The following PTPRS variants were observed in gnomAD, a reference collection of about 807,000 sequenced individuals.
PTPRS encodes receptor-type tyrosine-protein phosphatase S.
PTPRS carries 63 observed loss-of-function variants against 215.3 expected under a neutral mutation model. That is an observed-to-expected ratio of 0.29 (90% CI 0.24 to 0.36). The LOEUF (loss-of-function observed/expected upper bound fraction) is 0.36. PTPRS is among the 10% of genes least tolerant of loss of function. PTPRS has a pLI of 1.00. For missense variants in PTPRS, 2,258 were observed against 2,825.8 expected, an observed-to-expected ratio of 0.80 and a Z score of 4.56; for synonymous variants, 1,404 against 1,191.4, an observed-to-expected ratio of 1.18 and a Z score of -3.68.
At chr19:5,260,446 C>G (rs1489622126) in intron 7 of PTPRS, among the ~76,000 whole-genome samples, 1 of 152,166 alleles carries the variant, frequency 6.6e-6, no homozygotes, top group Non-Finnish European at 1.5e-5. Context: ...TCCCACAGTG[C>G]TGGGATTACA....
chr19:5,251,030 C>G (rs755344633), intron 9 of PTPRS: 7 of 146,510 alleles, frequency 4.8e-5, no homozygotes, highest in Admixed American at 7.8e-5. Flanking sequence ...AATGAATATG[C>G]GGATGGAGAG....
rs76856508 is a variant in PTPRS, at chr19:5,315,352, T to C, written c.-95+25312A>G. Among the ~76,000 whole-genome samples, 383 of 69,112 alleles carry C rather than the reference T, an allele frequency of 5.5e-3. 123 individuals are homozygous for C. Among genetic ancestry groups the C allele is most frequent in the African/African-American group, 0.024 (301 of 12,804 alleles). 45.3% of individuals were successfully genotyped at this position (69,112 alleles called of 152,430 possible). On this transcript the variant is annotated intron_variant, in intron 1 of 37. Coordinates refer to ENST00000262963, the MANE Select transcript of PTPRS (RefSeq NM_002850.4). Reference sequence around the variant, plus strand: ...ATGGAGAATTTTTATTTGAAAAGGGTTTTTTTTTTTTTTTTTTTTTTTTTT... The same window carrying C: ...ATGGAGAATTTTTATTTGAAAAGGGCTTTTTTTTTTTTTTTTTTTTTTTTT...
chr19:5,319,449 A>C, intron 1 of PTPRS, among the ~76,000 whole-genome samples: 1 of 149,332 alleles, frequency 6.7e-6, no homozygotes, highest in Non-Finnish European at 1.5e-5. Context: ...GCTATCCCAA[A>C]TCCACTTGCT....
intron 9 of PTPRS, among the ~76,000 whole-genome samples, chr19:5,248,194 C>T (rs1165780608): frequency 1.3e-5 from 2 of 151,990 alleles, no homozygotes; most frequent in Admixed American, 1.3e-4. Context: ...GGAAACAGAA[C>T]ACAATGGGGA....
intron 9 of PTPRS, among the ~76,000 whole-genome samples, chr19:5,248,268 C>T (rs2044686873): frequency 6.7e-6 from 1 of 150,268 alleles, no homozygotes; most frequent in Non-Finnish European, 1.5e-5. Flanking sequence ...CAAAACAAAA[C>T]CAGGAAGAAC....
chr19:5,253,382 A>T (rs2045303898), intron 9 of PTPRS, among the ~76,000 whole-genome samples: 1 of 152,128 alleles, frequency 6.6e-6, no homozygotes, highest in Non-Finnish European at 1.5e-5. Context: ...CCCTTTTTGC[A>T]ATTAATTCCT....
At chr19:5,234,962 A>G (rs1049118499) in intron 13 of PTPRS, among the ~76,000 whole-genome samples, 1 of 127,632 alleles carries the variant, frequency 7.8e-6, no homozygotes, top group African/African-American at 3.1e-5. Context: ...TTTTTTTTTG[A>G]GACAGTCTTG....
In PTPRS at chr19:5,295,944, T is replaced by C. The variant is rs2049121343; in HGVS notation, c.-94-9710A>G. 6.6e-6 allele frequency among the ~76,000 whole-genome samples: 1 copy of C among 152,076 alleles called. No homozygotes were observed. The highest frequency in any genetic ancestry group is 2.4e-5 in the African/African-American group (1 of 41,420). On this transcript the variant is annotated intron_variant, in intron 1 of 37. Coordinates refer to ENST00000262963, the MANE Select transcript of PTPRS (RefSeq NM_002850.4). The surrounding 1 kb of genome is among the most constrained non-coding windows in gnomAD (Gnocchi z 4.6). ...TAATTTTTGGATTTTTTTGTAGACATGGGATCTCCCCATGTTGCCCCGACT... is the reference window on the plus strand; with the variant it reads ...TAATTTTTGGATTTTTTTGTAGACACGGGATCTCCCCATGTTGCCCCGACT...
intron 19 of PTPRS, among the ~76,000 whole-genome samples, chr19:5,221,727 T>C (rs1485134752): frequency 6.6e-6 from 1 of 152,044 alleles, no homozygotes; most frequent in Non-Finnish European, 1.5e-5. Flanking sequence ...GACTAAACTC[T>C]GACCTCAGGC....
intron 4 of PTPRS, among the ~76,000 whole-genome samples, chr19:5,268,297 C>T (rs753422546): frequency 3.9e-5 from 6 of 152,062 alleles, no homozygotes; most frequent in African/African-American, 7.2e-5. Flanking sequence ...CGACAGAGAC[C>T]GTCCAGCCTG....
Position 5,229,704 on chromosome 19 carries a change from G to A in PTPRS, c.2156-20C>T. ...TGGGCACTGGCGGGCGGGAGGGGAG[G>A]GGAGGGGCGGGCGGAGCCGTTACCA... On this transcript the variant is annotated intron_variant, in intron 14 of 37. Transcript: ENST00000262963. The A allele has an allele frequency of 1.6e-6, 2 of 1,233,370 alleles. No homozygotes were observed. Among genetic ancestry groups the A allele is most frequent in the African/African-American group, 1.6e-5 (1 of 63,714 alleles). 76.4% of individuals were successfully genotyped at this position (1,233,370 alleles called of 1,614,324 possible).
rs747505379 is a variant in PTPRS at position 5,216,675 on chromosome 19, G to A, written c.4096+45C>T. 3.7e-5 allele frequency: 54 copies of A among 1,444,536 alleles called. 1 individual carries two copies. The highest frequency in any genetic ancestry group is 1.2e-4 in the Admixed American group (6 of 50,808). 89.5% of individuals were successfully genotyped at this position (1,444,536 alleles called of 1,614,324 possible). A position where few individuals can be genotyped will look rare whatever the true frequency, so the allele number is the denominator to read the frequency against. Reference sequence around the variant, plus strand: ...TGGAGAAACCAAAGAGGAAATGAACGGGGGCGGGGGCGAAAGGAAGCCAAA... The same window carrying A: ...TGGAGAAACCAAAGAGGAAATGAACAGGGGCGGGGGCGAAAGGAAGCCAAA... On this transcript the variant is annotated intron_variant, in intron 26 of 37. Coordinates refer to ENST00000262963, the MANE Select transcript of PTPRS (RefSeq NM_002850.4).
intron 1 of PTPRS, among the ~76,000 whole-genome samples, chr19:5,308,126 T>C (rs1191606912): frequency 6.6e-6 from 1 of 152,172 alleles, no homozygotes; most frequent in Non-Finnish European, 1.5e-5. Flanking sequence ...GTGTACGCAT[T>C]CTCTGGCCAG....
At chr19:5,329,829 C>A (rs956460836) in intron 1 of PTPRS, among the ~76,000 whole-genome samples, 2 of 151,786 alleles carry the variant, frequency 1.3e-5, no homozygotes, top group Non-Finnish European at 2.9e-5. Context: ...GGGATCCCAG[C>A]ACTTTGAGAG....
At chr19:5,308,132 G>A (rs1323066859) in intron 1 of PTPRS, among the ~76,000 whole-genome samples, 5 of 152,130 alleles carry the variant, frequency 3.3e-5, no homozygotes. Context: ...GCATTCTCTG[G>A]CCAGAACAAC....
chr19:5,274,138 T>G (rs1359295538), intron 3 of PTPRS, 61 bp downstream of exon 3: 1 of 1,563,604 alleles, frequency 6.4e-7, no homozygotes, highest in African/African-American at 1.4e-5. Context: ...GTGGCTGAGG[T>G]GCTGTGGCCC....
intron 1 of PTPRS, among the ~76,000 whole-genome samples, chr19:5,334,750 A>G (rs934568346): frequency 1.3e-5 from 2 of 152,182 alleles, no homozygotes; most frequent in African/African-American, 4.8e-5. Context: ...TGTGGCAGCC[A>G]ACAGCTTGTG....
At chr19:5,313,091 A>G (rs1568606680) in intron 1 of PTPRS, among the ~76,000 whole-genome samples, 2 of 152,024 alleles carry the variant, frequency 1.3e-5, no homozygotes. Flanking sequence ...ATTTTTTTGT[A>G]TTTTTAGCAG....
intron 32 of PTPRS, 30 bp downstream of exon 32, chr19:5,211,935 C>G (rs200218686): frequency 1.9e-6 from 3 of 1,556,394 alleles, no homozygotes; most frequent in South Asian, 2.3e-5. Context: ...CTCCCCACCC[C>G]GCCCACAGCA....
Sources: allele counts gnomAD v4.1 joint callset (sites outside exome capture counted in the v4.1 genomes callset), GRCh38; gene constraint gnomAD v4.1.1; non-coding constraint Gnocchi (gnomAD v3.1); transcripts MANE v1.5; gene names NCBI Gene and HGNC (gene_info 2026-07-23, HGNC 2026-07-21).